PIEZO1: variants seen among roughly 807,000 people sequenced by gnomAD.
The protein encoded by PIEZO1 is piezo-type mechanosensitive ion channel component 1.
In PIEZO1, 296 loss-of-function variants were observed where a neutral mutation model predicts 297.2. That is an observed-to-expected ratio of 1.00 (90% CI 0.91 to 1.10). The LOEUF (loss-of-function observed/expected upper bound fraction) is 1.10. Ranked by LOEUF, PIEZO1 falls within the 50% of genes least tolerant of loss-of-function variation. PIEZO1 has a pLI of 0.00. For missense variants in PIEZO1, 5,018 were observed against 3,455.5 expected, an observed-to-expected ratio of 1.45 and a Z score of -11.34; for synonymous variants, 2,427 against 1,507.5, an observed-to-expected ratio of 1.61 and a Z score of -14.13.
intron 1 of PIEZO1, among the ~76,000 whole-genome samples, chr16:88,777,326 C>T (rs545764099): frequency 1.3e-5 from 2 of 152,240 alleles, no homozygotes; most frequent in Non-Finnish European, 2.9e-5. Flanking sequence ...AGGGAGAAAG[C>T]GAAGGCAGCG....
intron 1 of PIEZO1, 82 bp from the exon 2 acceptor site, chr16:88,749,561 C>T: frequency 9.6e-7 from 1 of 1,045,948 alleles, no homozygotes; most frequent in Non-Finnish European, 1.4e-6. Flanking sequence ...CACGGCCCAG[C>T]TCGTCACACC....
rs920510705 is a variant in PIEZO1, at chr16:88,723,024, G to A, written c.4496-15C>T. The A allele has an allele frequency of 6.5e-7, 1 of 1,535,058 alleles. No individual in the cohort carries two copies. Among genetic ancestry groups the A allele is most frequent in the Non-Finnish European group, 8.8e-7 (1 of 1,137,000 alleles). ...ATGGCTCCGGCCTGCGGGAGGGCGGGAGGGGGCGCTGGAGGGGCAGCCTGT... is the reference window on the plus strand; with the variant it reads ...ATGGCTCCGGCCTGCGGGAGGGCGGAAGGGGGCGCTGGAGGGGCAGCCTGT... On this transcript the variant is annotated splice_polypyrimidine_tract_variant and intron_variant, in intron 33 of 50. Transcript: ENST00000301015.
chr16:88,776,448 A>T (rs1198482148), intron 1 of PIEZO1, among the ~76,000 whole-genome samples: 1 of 150,780 alleles, frequency 6.6e-6, no homozygotes, highest in Non-Finnish European at 1.5e-5. Context: ...AAAAAAAAGA[A>T]GGGATGAGAC....
At position 88,716,354 on chromosome 16, in the gene PIEZO1, C is replaced by A. The variant is rs1248407551; in HGVS notation, c.7049+7G>T. 33 of 1,527,300 alleles carry A rather than the reference C, an allele frequency of 2.2e-5. No individual in the cohort carries two copies. Among genetic ancestry groups the A allele is most frequent in the Non-Finnish European group, 2.6e-5 (30 of 1,132,910 alleles). 94.6% of individuals were successfully genotyped at this position (1,527,300 alleles called of 1,614,324 possible). A position where few individuals can be genotyped will look rare whatever the true frequency, so the allele number is the denominator to read the frequency against. On this transcript the variant is annotated splice_region_variant and intron_variant, in intron 48 of 50. Coordinates refer to ENST00000301015, the MANE Select transcript of PIEZO1 (RefSeq NM_001142864.4). ...CCTCCTGCCCACCACCCGGGCCCTT[C>A]ACTCACACAGACTGGTCCGAGGTGC... is the stretch of plus-strand genomic sequence containing the variant.
rs113439409 is a variant in PIEZO1, at chr16:88,717,086, G to A, written c.6597C>T (p.Ser2199=). 105 of 1,551,210 alleles carry A rather than the reference G, an allele frequency of 6.8e-5. 2 individuals carry two copies. Among genetic ancestry groups the A allele is most frequent in the African/African-American group, 6.3e-4 (46 of 73,166 alleles). ...TGGGCTGGTTGACAACCCCAACCAC[G>A]GAGCGCACCAGCGACATGAAGAGCA... The part of the protein sequence containing the change: ...FPLLFMSLVR[S]VVGVVNQPID... Residue 2199 remains serine, a synonymous_variant, in exon 45 of 51, where the codon TCC becomes TCT. Coordinates refer to ENST00000301015, the MANE Select transcript of PIEZO1 (RefSeq NM_001142864.4).
chr16:88,726,202 G>A, intron 27 of PIEZO1, 82 bp downstream of exon 27: 2 of 1,225,416 alleles, frequency 1.6e-6, no homozygotes, highest in South Asian at 1.5e-5. Context: ...ACGGGCCGGG[G>A]CCTGAGACAG....
chr16:88,737,531 G>T, intron 10 of PIEZO1, 28 bp downstream of exon 10: 1 of 1,474,240 alleles, frequency 6.8e-7, no homozygotes, highest in Non-Finnish European at 9.1e-7. Context: ...CCCGCACCCA[G>T]CCATACCTTG....
chr16:88,732,208 G>C (rs934233155), intron 21 of PIEZO1, 127 bp downstream of exon 21: 1 of 773,628 alleles, frequency 1.3e-6, no homozygotes, highest in African/African-American at 1.7e-5. Flanking sequence ...CTGGCCCTGA[G>C]TCCCCCACCC....
chr16:88,776,631 C>T (rs1288884240), intron 1 of PIEZO1, among the ~76,000 whole-genome samples: 1 of 152,160 alleles, frequency 6.6e-6, no homozygotes, highest in African/African-American at 2.4e-5. Context: ...GGGAGGTTAG[C>T]AGGGAATGAA....
intron 22 of PIEZO1, 45 bp from the exon 23 acceptor site, chr16:88,727,706 G>A: frequency 1.0e-6 from 1 of 988,632 alleles, no homozygotes; most frequent in South Asian, 2.0e-5. Context: ...GCCTGCCTGG[G>A]GCCTGAGACA....
Position 88,727,124 on chromosome 16 carries a change from ACTC to A in PIEZO1, c.3367_3369del (p.Glu1123del). The A allele has an allele frequency of 2.6e-6, 4 of 1,549,754 alleles. No homozygotes were observed. Among genetic ancestry groups the A allele is most frequent in the South Asian group, 1.2e-5 (1 of 84,040 alleles). On this transcript the variant is annotated inframe_deletion, in exon 24 of 51. Coordinates refer to ENST00000301015, the MANE Select transcript of PIEZO1 (RefSeq NM_001142864.4). ...GTGTTGACGCCAGCCATGCGCTGCC[ACTC>A]CTCTGTGCGCTCAGCTGAGAACACC... is the stretch of plus-strand genomic sequence containing the variant.
intron 27 of PIEZO1, chr16:88,726,081 C>G (rs1904403273): frequency 6.7e-6 from 4 of 594,916 alleles, no homozygotes; most frequent in Non-Finnish European, 1.2e-5. Context: ...AGCCTGTGGT[C>G]TCTGACAGAC....
In PIEZO1 at chr16:88,733,674, G is replaced by T; in HGVS notation, c.2401C>A (p.Arg801Ser). 2 of 1,549,558 alleles carry T rather than the reference G, an allele frequency of 1.3e-6. No homozygotes were observed. The highest frequency in any genetic ancestry group is 8.7e-7 in the Non-Finnish European group (1 of 1,146,560). Residue 801 changes from arginine (R) to serine (S), a missense_variant, in exon 18 of 51, where the codon CGC becomes AGC. By Grantham distance (110) the Arg-to-Ser change is moderately radical (BLOSUM62 -1). Coordinates refer to ENST00000301015, the MANE Select transcript of PIEZO1 (RefSeq NM_001142864.4). ...LAAGFSDVLS[R>S]VQVFLRRLLE... ...AGCCGCCGCAGGAACACCTGCACGCGTGAGAGGACGTCCGAGAAGCCGGCT... is the reference window on the plus strand; with the variant it reads ...AGCCGCCGCAGGAACACCTGCACGCTTGAGAGGACGTCCGAGAAGCCGGCT...
intron 29 of PIEZO1, 36 bp downstream of exon 29, chr16:88,725,380 A>G: frequency 1.6e-6 from 2 of 1,240,212 alleles, no homozygotes; most frequent in Non-Finnish European, 2.2e-6. Flanking sequence ...CATGCTGGAC[A>G]CGGGGCCCTG....
chr16:88,717,050 G>A lies in PIEZO1; in HGVS notation c.6633C>T (p.Thr2211=), dbSNP rs773273687. ...VGVVNQPIDV[T]VTLKLGGYEP... is the part of the protein sequence containing the mutation. The stretch of plus-strand genomic sequence containing the variant: ...CATAGCCGCCCAGCTTCAGGGTGAC[G>A]GTGACATCGATGGGCTGGTTGACAA... Residue 2211 remains threonine, a synonymous_variant, in exon 45 of 51, where the codon ACC becomes ACT. Transcript: ENST00000301015. 54 of 1,550,672 alleles carry A rather than the reference G, an allele frequency of 3.5e-5. No homozygotes were observed. The highest frequency in any genetic ancestry group is 1.4e-4 in the African/African-American group (10 of 73,052).
chr16:88,723,092 T>TACCTG lies in PIEZO1; in HGVS notation c.4493_4495+2dup. On this transcript the variant is annotated splice_region_variant and intron_variant, in intron 33 of 50. Coordinates refer to ENST00000301015, the MANE Select transcript of PIEZO1 (RefSeq NM_001142864.4). ...CCCACTCCCCAGCCCCGGGCCCACG[T>TACCTG]ACCTGCCGCTGCCTCCTCGGGGCCC... 1 of 1,547,578 alleles carries TACCTG rather than the reference T, an allele frequency of 6.5e-7. No individual in the cohort carries two copies. The highest frequency in any genetic ancestry group is 8.7e-7 in the Non-Finnish European group (1 of 1,146,592).
At chr16:88,730,874 C>G (rs1904755734) in intron 22 of PIEZO1, among the ~76,000 whole-genome samples, 1 of 152,222 alleles carries the variant, frequency 6.6e-6, no homozygotes, top group Non-Finnish European at 1.5e-5. Context: ...GGAATCCCAG[C>G]TGACAGACAC....
In PIEZO1 at chr16:88,734,780, G is replaced by A. The variant is rs918803091; in HGVS notation, c.1867C>T (p.Arg623Trp). ...CACCAGAAGGCCTTGAGCAGCTTCCGCCACAGGCTGTAGTAGACCTGCCGG... is the reference window on the plus strand; with the variant it reads ...CACCAGAAGGCCTTGAGCAGCTTCCACCACAGGCTGTAGTAGACCTGCCGG... ...TLFQVYYSLW[R>W]KLLKAFWWLV... The change falls in exon 15 of 51, where the codon CGG becomes TGG. Residue 623 changes from arginine to tryptophan, a missense_variant. Physicochemically the swap from Arg to Trp is moderately radical, Grantham distance 101. Coordinates refer to ENST00000301015, the MANE Select transcript of PIEZO1 (RefSeq NM_001142864.4). 8 of 1,550,316 alleles carry A rather than the reference G, an allele frequency of 5.2e-6. No homozygotes were observed. Among genetic ancestry groups the A allele is most frequent in the Admixed American group, 3.9e-5 (2 of 51,006 alleles).
At chr16:88,729,599 G>A (rs1434062754) in intron 22 of PIEZO1, among the ~76,000 whole-genome samples, 1 of 144,362 alleles carries the variant, frequency 6.9e-6, no homozygotes, top group Non-Finnish European at 1.5e-5. Flanking sequence ...TCGATGCTGG[G>A]GAACCCAGGA....
Sources: allele counts gnomAD v4.1 joint callset (sites outside exome capture counted in the v4.1 genomes callset), GRCh38; gene constraint gnomAD v4.1.1; transcripts MANE v1.5; gene names NCBI Gene and HGNC (gene_info 2026-07-23, HGNC 2026-07-21).